Variants in GBE1 observed in about 807,000 individuals in gnomAD.
GBE1 encodes the protein 1,4-alpha-glucan branching enzyme 1.
Under a neutral mutation model 88.8 loss-of-function variants are expected in GBE1, and 70 were observed. The observed-to-expected ratio is 0.79, with a 90% confidence interval of 0.65 to 0.96. The LOEUF is 0.96. Ranked by LOEUF, GBE1 falls within the 40% of genes least tolerant of loss-of-function variation. The probability of loss-of-function intolerance (pLI) is 0.00; values close to 1 mark genes in which losing one functional copy is unlikely to be tolerated. For missense variants in GBE1, 872 were observed against 871.0 expected, an observed-to-expected ratio of 1.00 and a Z score of -0.01; for synonymous variants, 284 against 300.1, an observed-to-expected ratio of 0.95 and a Z score of 0.56.
rs541555393 is a variant in GBE1, at chr3:81,695,412, C to T, written c.313+10032G>A. On this transcript the variant is annotated intron_variant, in intron 2 of 15. Transcript: ENST00000429644. Reference sequence around the variant, plus strand: ...GACACAAAAGCCCAGATGTATGATTCCATTTATATGACATGTCCAGAATAG... The same window carrying T: ...GACACAAAAGCCCAGATGTATGATTTCATTTATATGACATGTCCAGAATAG... 1.1e-4 allele frequency among the ~76,000 whole-genome samples: 17 copies of T among 152,196 alleles called. No individual in the cohort carries two copies. In the South Asian group the frequency reaches 3.1e-3, roughly 28 times the overall value.
In GBE1 at chr3:81,672,264, G is replaced by A. The variant is rs75582763; in HGVS notation, c.314-1311C>T. 2.0e-3 allele frequency among the ~76,000 whole-genome samples: 309 copies of A among 151,990 alleles called. 4 individuals are homozygous for A. Among genetic ancestry groups the A allele is most frequent in the Middle Eastern group, 3.4e-3 (1 of 294 alleles). ...CCACAGCCCGACAATTCAGCTCCTA[G>A]GAAATAGTTCAGAGAAATTCTCCTA... On this transcript the variant is annotated intron_variant, in intron 2 of 15. Coordinates refer to ENST00000429644, the MANE Select transcript of GBE1 (RefSeq NM_000158.4).
rs755396114 is a variant in GBE1 at position 81,642,869 on chromosome 3, T to C, written c.904A>G (p.Met302Val). ...TAACAGGAATCTGTCCCATCAAACATATTCAATCCATCTGCTGAATTTTTT... is the reference window on the plus strand; with the variant it reads ...TAACAGGAATCTGTCCCATCAAACACATTCAATCCATCTGCTGAATTTTTT... ...ASKNSADGLN[M>V]FDGTDSCYFH... The change falls in exon 7 of 16, where the codon ATG becomes GTG. Residue 302 changes from methionine (M) to valine (V), a missense_variant. Transcript: ENST00000429644. The C allele has an allele frequency of 1.9e-6, 3 of 1,612,130 alleles. No homozygotes were observed. The highest frequency in any genetic ancestry group is 1.1e-5 in the South Asian group (1 of 91,058).
At chr3:81,690,446 C>G (rs1705504636) in intron 2 of GBE1, among the ~76,000 whole-genome samples, 1 of 152,180 alleles carries the variant, frequency 6.6e-6, no homozygotes, top group Non-Finnish European at 1.5e-5. Flanking sequence ...AGCTCTGGTA[C>G]TGGATCAGGC....
intron 1 of GBE1, among the ~76,000 whole-genome samples, chr3:81,759,259 A>C (rs866275107): frequency 6.6e-6 from 1 of 152,208 alleles, no homozygotes. Context: ...AAAAATTTCA[A>C]ATCAAAAGAT....
chr3:81,529,881 C>G (rs1240636377), intron 14 of GBE1, among the ~76,000 whole-genome samples: 1 of 151,872 alleles, frequency 6.6e-6, no homozygotes, highest in Non-Finnish European at 1.5e-5. Flanking sequence ...TTCTCCGTTA[C>G]TATCTCTTTG....
chr3:81,639,651 G>A (rs1394471336), intron 7 of GBE1, among the ~76,000 whole-genome samples: 3 of 152,112 alleles, frequency 2.0e-5, no homozygotes, highest in African/African-American at 7.2e-5. Context: ...CAACAGAAAT[G>A]GCACTCTGCC....
chr3:81,746,685 T>C (rs1187475941), intron 1 of GBE1, among the ~76,000 whole-genome samples: 4 of 152,108 alleles, frequency 2.6e-5, no homozygotes, highest in Admixed American at 6.5e-5. Context: ...TGAAGAAATA[T>C]TTGGAATATA....
chr3:81,544,441 G>C lies in GBE1; in HGVS notation c.1619-7346C>G, dbSNP rs138500163. Among the ~76,000 whole-genome samples the C allele has an allele frequency of 4.6e-3, 698 of 152,224 alleles. 4 individuals carry two copies. The highest frequency in any genetic ancestry group is 0.016 in the African/African-American group (667 of 41,544). On this transcript the variant is annotated intron_variant, in intron 12 of 15. Transcript: ENST00000429644. ...AATGTTCCTCGATTCAAAATGAAGA[G>C]AGGATAATCATTTTTTGAGCCATCG...
At chr3:81,608,264 A>G (rs760305701) in intron 7 of GBE1, among the ~76,000 whole-genome samples, 15 of 152,190 alleles carry the variant, frequency 9.9e-5, no homozygotes, top group Non-Finnish European at 1.5e-4. Context: ...CTTATGAGCT[A>G]TGCCATATGT....
chr3:81,622,412 T>TC (rs1215219637), intron 7 of GBE1, among the ~76,000 whole-genome samples: 2 of 152,216 alleles, frequency 1.3e-5, no homozygotes, highest in Admixed American at 6.5e-5. Flanking sequence ...CTTCTGTTTT[T>TC]CTTCCTGACC....
At chr3:81,754,967 T>C (rs779547474) in intron 1 of GBE1, among the ~76,000 whole-genome samples, 18 of 152,012 alleles carry the variant, frequency 1.2e-4, no homozygotes, top group Admixed American at 4.6e-4. Context: ...AAAGCAAAAA[T>C]AGACATCAGA....
intron 7 of GBE1, among the ~76,000 whole-genome samples, chr3:81,628,352 C>A (rs1576175958): frequency 6.6e-6 from 1 of 152,022 alleles, no homozygotes; most frequent in Non-Finnish European, 1.5e-5. Context: ...ATGAAGGAGA[C>A]CTCAGGAAAA....
chr3:81,654,322 A>AGTGT (rs60856895), intron 3 of GBE1, among the ~76,000 whole-genome samples: 17 of 150,222 alleles, frequency 1.1e-4, no homozygotes, highest in East Asian at 3.9e-4. Flanking sequence ...AAGACAAAAA[A>AGTGT]GTGTGTGTGT....
chr3:81,497,688 C>T (rs759934100), intron 15 of GBE1, among the ~76,000 whole-genome samples: 2 of 152,108 alleles, frequency 1.3e-5, no homozygotes, highest in Non-Finnish European at 2.9e-5. Context: ...AAGAATTTTG[C>T]TGTCTGAGTC....
intron 12 of GBE1, among the ~76,000 whole-genome samples, chr3:81,557,478 G>C (rs1184078377): frequency 1.3e-5 from 2 of 151,714 alleles, no homozygotes; most frequent in East Asian, 1.9e-4. Context: ...AGAGGAAGAG[G>C]GAAGGAGGAA....
At chr3:81,537,190 A>T in intron 12 of GBE1, 95 bp from the exon 13 acceptor site, 2 of 880,790 alleles carry the variant, frequency 2.3e-6, no homozygotes, top group Non-Finnish European at 3.2e-6. Flanking sequence ...TGTTTTTTAA[A>T]TTTAGTTTAG....
At chr3:81,748,523 A>G (rs1575776315) in intron 1 of GBE1, among the ~76,000 whole-genome samples, 1 of 151,982 alleles carries the variant, frequency 6.6e-6, no homozygotes, top group Non-Finnish European at 1.5e-5. Context: ...GGGCAGGAGA[A>G]TGGCGTGAAC....
chr3:81,637,477 C>T (rs1455460053), intron 7 of GBE1, among the ~76,000 whole-genome samples: 1 of 152,054 alleles, frequency 6.6e-6, no homozygotes. Flanking sequence ...CAAACATATG[C>T]TCCAAGCATA....
intron 2 of GBE1, among the ~76,000 whole-genome samples, chr3:81,676,711 T>C (rs918601881): frequency 3.3e-5 from 5 of 152,044 alleles, no homozygotes; most frequent in Admixed American, 1.3e-4. Flanking sequence ...TACATAGGTA[T>C]ACATGTGCCA....
Sources: allele counts gnomAD v4.1 joint callset (sites outside exome capture counted in the v4.1 genomes callset), GRCh38; gene constraint gnomAD v4.1.1; transcripts MANE v1.5; gene names NCBI Gene and HGNC (gene_info 2026-07-23, HGNC 2026-07-21).